The following COL27A1 variants were observed in gnomAD, a reference collection of about 807,000 sequenced individuals.
COL27A1 encodes collagen alpha-1(XXVII) chain.
A neutral mutation model predicts 251.3 loss-of-function variants in COL27A1; 106 were observed. That is an observed-to-expected ratio of 0.42 (90% CI 0.36 to 0.50). The LOEUF (loss-of-function observed/expected upper bound fraction) is 0.50, where lower values mean the gene tolerates loss of function less well. COL27A1 is among the 20% of genes least tolerant of loss of function. COL27A1 has a pLI of 0.00. For synonymous variants in COL27A1, 1,000 were observed against 986.3 expected, an observed-to-expected ratio of 1.01 and a Z score of -0.26; for missense variants, 2,325 against 2,522.8, an observed-to-expected ratio of 0.92 and a Z score of 1.68.
intron 27 of COL27A1, among the ~76,000 whole-genome samples, chr9:114,257,624 G>C (rs1276683086): frequency 1.3e-5 from 2 of 152,088 alleles, no homozygotes; most frequent in Non-Finnish European, 2.9e-5. Context: ...CCGGGGCTGG[G>C]CCTTGCTCCC....
At chr9:114,231,759 C>T (rs1831973329) in intron 15 of COL27A1, 63 bp from the exon 16 acceptor site, 3 of 1,563,350 alleles carry the variant, frequency 1.9e-6, no homozygotes, top group Non-Finnish European at 8.8e-7. Flanking sequence ...GTGTTTAAGC[C>T]AGGGCTCCTG....
rs757016093 is a variant in COL27A1, at chr9:114,237,838, C to T, written c.2727+123C>T. 6.1e-5 allele frequency: 46 copies of T among 751,696 alleles called. No individual in the cohort carries two copies. The Middle Eastern group carries it at 6.9e-4, about 11-fold the overall frequency. 46.6% of individuals were successfully genotyped at this position (751,696 alleles called of 1,614,324 possible). A position where few individuals can be genotyped will look rare whatever the true frequency, so the allele number is the denominator to read the frequency against. On this transcript the variant is annotated intron_variant, in intron 19 of 60. Coordinates refer to ENST00000356083, the MANE Select transcript of COL27A1 (RefSeq NM_032888.4). ...GTCACACAGGATATGAGAGATGAGG[C>T]TGAGAGGAGAAACTCCTAGATCAGC...
At position 114,179,832 on chromosome 9, in the gene COL27A1, C is replaced by CTTTT. The variant is rs139712391; in HGVS notation, c.1962+1511_1962+1514dup. 1.7e-3 allele frequency among the ~76,000 whole-genome samples: 169 copies of CTTTT among 100,168 alleles called. 15 individuals carry two copies. Among genetic ancestry groups the CTTTT allele is most frequent in the African/African-American group, 4.7e-3 (128 of 27,282 alleles). 65.7% of individuals were successfully genotyped at this position (100,168 alleles called of 152,430 possible). ...GCAGTCTGCCTCCAGAGCCTACCAT[C>CTTTT]TTTTTTTTTTTTTTTTTTTTTTTTT... On this transcript the variant is annotated intron_variant, in intron 4 of 60. Coordinates refer to ENST00000356083, the MANE Select transcript of COL27A1 (RefSeq NM_032888.4).
chr9:114,173,707 G>A (rs1481173554), intron 3 of COL27A1, among the ~76,000 whole-genome samples: 6 of 152,054 alleles, frequency 3.9e-5, no homozygotes, highest in Admixed American at 1.3e-4. Flanking sequence ...TGCGGGGGTC[G>A]GGGGGAGGGG....
rs190770493 is a variant in COL27A1, at chr9:114,167,786, G to A, written c.231G>A (p.Thr77=). 3.8e-5 allele frequency: 62 copies of A among 1,613,544 alleles called. No individual in the cohort carries two copies. The East Asian group carries it at 6.7e-4, about 17-fold the overall frequency. The change falls in exon 3 of 61, where the codon ACG becomes ACA. Residue 77 remains threonine, a synonymous_variant. Transcript: ENST00000356083. ...VIPFQSGFIF[T]QRARLQAPTG... is the part of the protein sequence containing the mutation. ...CTTTCCAGTCGGGCTTCATCTTTAC[G>A]CAGCGGGCCCGGCTCCAGGCTCCCA...
chr9:114,288,015 G>A (rs1040429158), intron 41 of COL27A1, among the ~76,000 whole-genome samples: 1 of 152,170 alleles, frequency 6.6e-6, no homozygotes, highest in Non-Finnish European at 1.5e-5. Flanking sequence ...CGGGCGTCGC[G>A]CATCATTCCA....
At position 114,275,658 on chromosome 9, in the gene COL27A1, CA is replaced by C; in HGVS notation, c.3610-2del. On this transcript the variant is annotated splice_acceptor_variant, in intron 36 of 60. Transcript: ENST00000356083. LOFTEE classifies it high-confidence loss of function. Reference sequence around the variant, plus strand: ...TCTCCCCTCTTCATGCCCTGCCACCCAGGGGGACAGGGGAGACCCAGGGCCT... The same window carrying C: ...TCTCCCCTCTTCATGCCCTGCCACCCGGGGGACAGGGGAGACCCAGGGCCT... 6.5e-7 allele frequency: 1 copy of C among 1,544,016 alleles called. No individual in the cohort carries two copies. Among genetic ancestry groups the C allele is most frequent in the Non-Finnish European group, 8.8e-7 (1 of 1,142,454 alleles).
Position 114,300,075 on chromosome 9 carries a change from C to G in COL27A1, c.4590C>G (p.Asp1530Glu), listed in dbSNP as rs772882733. 5.0e-6 allele frequency: 8 copies of G among 1,614,172 alleles called. No homozygotes were observed. In the South Asian group the frequency reaches 7.7e-5, roughly 16 times the overall value. ...GEPGSKGQPG[D>E]SGEMGFPGMA... is the part of the protein sequence containing the mutation. ...ACTTCCTGTTCTTCCTGCAGGGCGA[C>G]TCTGGCGAGATGGGCTTCCCAGGAA... is the stretch of plus-strand genomic sequence containing the variant. Residue 1530 changes from aspartate (D) to glutamate (E), a missense_variant, in exon 50 of 61, where the codon GAC becomes GAG. Around this residue, in one of 4 missense-constraint regions of COL27A1, gnomAD observed 153 missense variants for 140.7 expected, o/e 1.09. Transcript: ENST00000356083.
At position 114,275,664 on chromosome 9, in the gene COL27A1, G is replaced by C. The variant is rs185656867; in HGVS notation, c.3613G>C (p.Asp1205His). ...GPMGPDGLKG[D>H]RGDPGPDGEH... ...CTCTTCATGCCCTGCCACCCAGGGG[G>C]ACAGGGGAGACCCAGGGCCTGATGG... Residue 1205 changes from aspartate to histidine, a missense_variant, in exon 37 of 61, where the codon GAC becomes CAC. By Grantham distance (81) the Asp-to-His change is moderately conservative. This residue lies in a region of COL27A1 where 662 missense variants were observed against 795.3 expected (regional missense o/e 0.83). Coordinates refer to ENST00000356083, the MANE Select transcript of COL27A1 (RefSeq NM_032888.4). 2.5e-5 allele frequency: 38 copies of C among 1,547,796 alleles called. No homozygotes were observed. Among genetic ancestry groups the C allele is most frequent in the Non-Finnish European group, 3.3e-5 (38 of 1,145,200 alleles).
At position 114,240,242 on chromosome 9, in the gene COL27A1, C is replaced by T. The variant is rs1178344001; in HGVS notation, c.2750C>T (p.Pro917Leu). 6.2e-7 allele frequency: 1 copy of T among 1,608,256 alleles called. No individual in the cohort carries two copies. Among genetic ancestry groups the T allele is most frequent in the Non-Finnish European group, 8.5e-7 (1 of 1,177,006 alleles). Residue 917 changes from proline to leucine, a missense_variant, in exon 20 of 61, where the codon CCC becomes CTC. Physicochemically the swap from Pro to Leu is moderately conservative, Grantham distance 98. Coordinates refer to ENST00000356083, the MANE Select transcript of COL27A1 (RefSeq NM_032888.4). ...CAGGGATTCCCAGGAGACATCGGCC[C>T]CCCTGGCGACAATGGCCCAGAAGGC... ...GPEGFPGDIG[P>L]PGDNGPEGMK... is the part of the protein sequence containing the mutation.
intron 5 of COL27A1, among the ~76,000 whole-genome samples, chr9:114,186,394 A>G (rs1179274467): frequency 6.6e-6 from 1 of 152,252 alleles, no homozygotes; most frequent in African/African-American, 2.4e-5. Context: ...GGACACAGGC[A>G]GGCATGGTCC....
chr9:114,239,949 C>T (rs935061711), intron 19 of COL27A1, among the ~76,000 whole-genome samples: 12 of 152,298 alleles, frequency 7.9e-5, no homozygotes, highest in East Asian at 1.9e-4. Flanking sequence ...TGAGAAATAA[C>T]GACCTTGAGT....
At chr9:114,304,737 C>A in intron 57 of COL27A1, 64 bp downstream of exon 57, 2 of 1,429,746 alleles carry the variant, frequency 1.4e-6, no homozygotes, top group Non-Finnish European at 2.0e-6. Context: ...AGATAATGGC[C>A]CACATGTGGT....
chr9:114,306,503 C>T lies in COL27A1; in HGVS notation c.4939-17C>T. 1 of 1,613,324 alleles carries T rather than the reference C, an allele frequency of 6.2e-7. No individual in the cohort carries two copies. The highest frequency in any genetic ancestry group is 2.2e-5 in the East Asian group (1 of 44,870). ...CAGGACCCTAAGGTCCCAATGACCA[C>T]CCTCTCCTCGTGACAGAGTTACAGC... On this transcript the variant is annotated splice_polypyrimidine_tract_variant and intron_variant, in intron 57 of 60. Coordinates refer to ENST00000356083, the MANE Select transcript of COL27A1 (RefSeq NM_032888.4).
intron 27 of COL27A1, among the ~76,000 whole-genome samples, chr9:114,255,464 G>T (rs1015065176): frequency 6.6e-6 from 1 of 152,186 alleles, no homozygotes; most frequent in African/African-American, 2.4e-5. Flanking sequence ...CTGTCTAGTG[G>T]GAGGAGGAAA....
rs775590576 is a variant in COL27A1 at position 114,265,077 on chromosome 9, T to A, written c.3306T>A (p.Gly1102=). The change falls in exon 31 of 61, where the codon GGT becomes GGA. Residue 1102 remains glycine, a synonymous_variant. Transcript: ENST00000356083. ...PGRPGQQGVA[G]ERGHLGSRGF... The stretch of plus-strand genomic sequence containing the variant: ...ACATGTGCTTCCAGGGTGTGGCTGG[T>A]GAGCGAGGCCACTTGGGCTCGAGAG... 3 of 1,603,890 alleles carry A rather than the reference T, an allele frequency of 1.9e-6. No homozygotes were observed. In the African/African-American group the frequency reaches 4.0e-5, roughly 22 times the overall value.
At chr9:114,289,210 G>T (rs1435188014) in intron 44 of COL27A1, 32 bp from the exon 45 acceptor site, 4 of 1,567,010 alleles carry the variant, frequency 2.6e-6, no homozygotes, top group African/African-American at 1.3e-5. Flanking sequence ...GAATCCTGGG[G>T]CTGCCTTGCG....
At chr9:114,276,254 C>G (rs1835499439) in intron 37 of COL27A1, among the ~76,000 whole-genome samples, 1 of 152,240 alleles carries the variant, frequency 6.6e-6, no homozygotes. Flanking sequence ...GCATAACCTT[C>G]AGTGTATGTC....
rs556817433 is a variant in COL27A1 at position 114,265,483 on chromosome 9, C to T, written c.3393+8C>T. On this transcript the variant is annotated splice_region_variant and intron_variant, in intron 32 of 60. Coordinates refer to ENST00000356083, the MANE Select transcript of COL27A1 (RefSeq NM_032888.4). ...GGCCTCCCAGGAGAACCGGTAAGAG[C>T]CCTTTCCTTCCCTCTTCTGCTTCTT... 1 of 1,613,478 alleles carries T rather than the reference C, an allele frequency of 6.2e-7. No individual in the cohort carries two copies. Among genetic ancestry groups the T allele is most frequent in the East Asian group, 2.2e-5 (1 of 44,858 alleles).
Sources: allele counts gnomAD v4.1 joint callset (sites outside exome capture counted in the v4.1 genomes callset), GRCh38; gene constraint gnomAD v4.1.1; regional missense constraint gnomAD v4.1.1; transcripts MANE v1.5; gene names NCBI Gene and HGNC (gene_info 2026-07-23, HGNC 2026-07-21).